RBFOX3: variants seen among roughly 807,000 people sequenced by gnomAD.
RBFOX3 encodes RNA binding protein fox-1 homolog 3.
In RBFOX3, 17 loss-of-function variants were observed where a neutral mutation model predicts 48.7. The ratio of observed to expected loss-of-function variants is 0.35; its 90% CI spans 0.24 to 0.52. RBFOX3 has a LOEUF of 0.52. Ranked by LOEUF, RBFOX3 falls within the 20% of genes least tolerant of loss-of-function variation. RBFOX3 has a pLI of 0.94. For missense variants in RBFOX3, 382 were observed against 497.5 expected, an observed-to-expected ratio of 0.77 and a Z score of 2.21; for synonymous variants, 212 against 209.5, an observed-to-expected ratio of 1.01 and a Z score of -0.10.
intron 1 of RBFOX3, among the ~76,000 whole-genome samples, chr17:79,542,280 G>A (rs561004831): frequency 2.5e-4 from 38 of 152,288 alleles, no homozygotes; most frequent in Admixed American, 5.2e-4. Context: ...CACCCTCCCT[G>A]GCTGCCCTCT....
the RBFOX3 span, among the ~76,000 whole-genome samples, chr17:79,652,899 A>G: frequency 6.6e-6 from 1 of 152,144 alleles, no homozygotes; most frequent in African/African-American, 2.4e-5. Context: ...CTATAGGCAC[A>G]CCTTTATGAC....
chr17:79,422,420 C>T (rs1555723044), intron 2 of RBFOX3, among the ~76,000 whole-genome samples: 4 of 152,066 alleles, frequency 2.6e-5, no homozygotes, highest in East Asian at 3.9e-4. Flanking sequence ...ACTCCCAGGC[C>T]GGTGCCTCCA....
chr17:79,110,446 G>A (rs1187875188), intron 5 of RBFOX3, among the ~76,000 whole-genome samples: 3 of 152,242 alleles, frequency 2.0e-5, no homozygotes, highest in Non-Finnish European at 4.4e-5. Context: ...GACCTAGGCA[G>A]ACCCTGGACA....
In RBFOX3 at chr17:79,240,988, T is replaced by G. The variant is rs182341932; in HGVS notation, c.-73-5183A>C. Among the ~76,000 whole-genome samples the G allele has an allele frequency of 1.1e-3, 171 of 151,432 alleles. 1 individual carries two copies. The highest frequency in any genetic ancestry group is 1.9e-3 in the Non-Finnish European group (130 of 67,802). Reference sequence around the variant, plus strand: ...CTAAATTTTTCAATTAAAAAAAAATTTTTTTTGAGCAGGATCTTGCTCTGT... The same window carrying G: ...CTAAATTTTTCAATTAAAAAAAAATGTTTTTTGAGCAGGATCTTGCTCTGT... On this transcript the variant is annotated intron_variant, in intron 3 of 14. Transcript: ENST00000693108.
chr17:79,644,793 A>G, the RBFOX3 span, among the ~76,000 whole-genome samples: 1 of 152,236 alleles, frequency 6.6e-6, no homozygotes, highest in Admixed American at 6.5e-5. Flanking sequence ...TGATTATGTA[A>G]GCAGAGAATT....
At chr17:79,343,540 C>CA (rs1413943874) in intron 2 of RBFOX3, among the ~76,000 whole-genome samples, 1 of 151,784 alleles carries the variant, frequency 6.6e-6, no homozygotes, top group Non-Finnish European at 1.5e-5. Flanking sequence ...AACAAACAAA[C>CA]AAAAAAACCC....
the RBFOX3 span, among the ~76,000 whole-genome samples, chr17:79,650,118 C>T: frequency 5.6e-3 from 853 of 152,286 alleles, 17 homozygotes; most frequent in East Asian, 0.021. Flanking sequence ...GCAAGGACCT[C>T]TCATCATAAA....
At chr17:79,340,298 C>A (rs1262050437) in intron 2 of RBFOX3, among the ~76,000 whole-genome samples, 17 of 117,720 alleles carry the variant, frequency 1.4e-4, no homozygotes, top group East Asian at 4.1e-4. Flanking sequence ...GACTCCATCT[C>A]AAAAAAAAAA....
At chr17:79,414,863 C>T (rs1485167135) in intron 2 of RBFOX3, among the ~76,000 whole-genome samples, 2 of 152,244 alleles carry the variant, frequency 1.3e-5, no homozygotes, top group Admixed American at 6.5e-5. Context: ...CATGCAGCAA[C>T]CCCCTGGCAG....
At chr17:79,167,459 G>A (rs2048255858) in intron 4 of RBFOX3, among the ~76,000 whole-genome samples, 1 of 151,590 alleles carries the variant, frequency 6.6e-6, no homozygotes, top group Admixed American at 6.6e-5. Context: ...GTGGGTCCAT[G>A]GGACCTTGGC....
At chr17:79,475,029 T>C (rs1246617777) in intron 2 of RBFOX3, among the ~76,000 whole-genome samples, 1 of 152,134 alleles carries the variant, frequency 6.6e-6, no homozygotes, top group East Asian at 1.9e-4. Flanking sequence ...AGTTTCTCTC[T>C]CCTGTGACAA....
At chr17:79,551,895 A>G (rs1858721629) in intron 1 of RBFOX3, among the ~76,000 whole-genome samples, 1 of 152,326 alleles carries the variant, frequency 6.6e-6, no homozygotes, top group Admixed American at 6.5e-5. Context: ...TGTTCTTTAT[A>G]AATTACTCAG....
chr17:79,288,910 A>C (rs1413807078), intron 3 of RBFOX3, among the ~76,000 whole-genome samples: 1 of 152,182 alleles, frequency 6.6e-6, no homozygotes, highest in African/African-American at 2.4e-5. Flanking sequence ...TCTGAAAGGG[A>C]AGGACCTGGC....
the RBFOX3 span, among the ~76,000 whole-genome samples, chr17:79,623,967 C>A: frequency 6.6e-6 from 1 of 152,018 alleles, no homozygotes; most frequent in Non-Finnish European, 1.5e-5. Flanking sequence ...GAGCTGGGAG[C>A]CAAGGAGCGC....
At chr17:79,410,547 A>G (rs1006214449) in intron 2 of RBFOX3, among the ~76,000 whole-genome samples, 1 of 152,214 alleles carries the variant, frequency 6.6e-6, no homozygotes, top group Non-Finnish European at 1.5e-5. Flanking sequence ...TGGTCGCAGA[A>G]CAGGAAGCCA....
At chr17:79,113,732 A>T (rs2030900552) in intron 5 of RBFOX3, among the ~76,000 whole-genome samples, 1 of 152,216 alleles carries the variant, frequency 6.6e-6, no homozygotes, top group African/African-American at 2.4e-5. Context: ...GCCAGACCCA[A>T]GCCAGCCTCT....
At chr17:79,337,899 T>C (rs574001169) in intron 2 of RBFOX3, among the ~76,000 whole-genome samples, 1 of 152,214 alleles carries the variant, frequency 6.6e-6, no homozygotes, top group South Asian at 2.1e-4. Flanking sequence ...TTTTCTTAAA[T>C]TTTTGCTTCT....
intron 2 of RBFOX3, among the ~76,000 whole-genome samples, chr17:79,339,651 G>A (rs1261549613): frequency 6.6e-6 from 1 of 152,238 alleles, no homozygotes; most frequent in South Asian, 2.1e-4. Context: ...TTCTGAGCCT[G>A]CCGGTCTGGA....
At chr17:79,484,476 GGGGGCCTGGGTGCA>G (rs1252118771) in intron 1 of RBFOX3, among the ~76,000 whole-genome samples, 5,882 of 127,956 alleles carry the variant, frequency 0.046, 582 homozygotes, top group East Asian at 0.21. Context: ...CCTGGGTGCA[GGGGGCCTGGGTGCA>G]GGGGCCTGGG....
Sources: allele counts gnomAD v4.1 joint callset (sites outside exome capture counted in the v4.1 genomes callset), GRCh38; gene constraint gnomAD v4.1.1; transcripts MANE v1.5; gene names NCBI Gene and HGNC (gene_info 2026-07-23, HGNC 2026-07-21).